The following AMMECR1 variants were observed in gnomAD, a reference collection of about 807,000 sequenced individuals.
AMMECR1 encodes AMMECR nuclear protein 1.
In AMMECR1, 3 loss-of-function variants were observed where a neutral mutation model predicts 22.5. The observed-to-expected ratio is 0.13, with a 90% confidence interval of 0.06 to 0.35. The LOEUF (loss-of-function observed/expected upper bound fraction) is 0.35, where lower values mean the gene tolerates loss of function less well. Ranked by LOEUF, AMMECR1 falls within the 10% of genes least tolerant of loss-of-function variation. The pLI is 1.00. For missense variants in AMMECR1, 235 were observed against 278.7 expected (o/e 0.84, Z 1.12); for synonymous variants, 130 against 116.7 (o/e 1.11, Z -0.74).
intron 3 of AMMECR1, among the ~76,000 whole-genome samples, chrX:110,211,381 CCCT>C (rs747897934): frequency 7.0e-4 from 78 of 112,001 alleles, no homozygotes; most frequent in African/African-American, 2.3e-3. Flanking sequence ...ATAGAATCAC[CCCT>C]CAAGTCAAGC....
chrX:110,272,551 T>C (rs1371171685), intron 1 of AMMECR1, among the ~76,000 whole-genome samples: 2 of 112,228 alleles, frequency 1.8e-5, no homozygotes, highest in Non-Finnish European at 3.8e-5. Context: ...TACATGTGCT[T>C]GTTGTTACAT....
rs746147480 is a variant in AMMECR1 at position 110,222,156 on chromosome X, T to C, written c.585-5524A>G. 2.7e-3 allele frequency among the ~76,000 whole-genome samples: 251 copies of C among 93,145 alleles called. 2 individuals carry two copies. Among genetic ancestry groups the C allele is most frequent in the African/African-American group, 9.4e-3 (239 of 25,426 alleles). 80.9% of individuals were successfully genotyped at this position (93,145 alleles called of 115,157 possible). ...AAAGACACATGCACACGTATGTTTATTGCGGCATTATTCACAATAGCAAAG... is the reference window on the plus strand; with the variant it reads ...AAAGACACATGCACACGTATGTTTACTGCGGCATTATTCACAATAGCAAAG... On this transcript the variant is annotated intron_variant, in intron 2 of 5. Coordinates refer to ENST00000262844, the MANE Select transcript of AMMECR1 (RefSeq NM_015365.3).
At chrX:110,418,530 A>C (rs2068694363) in intron 2 of AMMECR1, among the ~76,000 whole-genome samples, 1 of 111,965 alleles carries the variant, frequency 8.9e-6, no homozygotes, top group Non-Finnish European at 1.9e-5. Context: ...TCAGATTTCA[A>C]GGAACATGAA....
At chrX:110,228,690 G>A (rs1005960194) in intron 2 of AMMECR1, among the ~76,000 whole-genome samples, 8 of 110,752 alleles carry the variant, frequency 7.2e-5, no homozygotes, top group Admixed American at 3.9e-4. Flanking sequence ...AGCAGATAAG[G>A]GTGGGGGAGC....
intron 1 of AMMECR1, among the ~76,000 whole-genome samples, chrX:110,430,181 G>A (rs1452461375): frequency 8.9e-6 from 1 of 112,730 alleles, no homozygotes; most frequent in Non-Finnish European, 1.9e-5. Context: ...ACTTGTAGAT[G>A]CTCAACATAT....
At chrX:110,363,705 T>G (rs1040961168) in intron 2 of AMMECR1, among the ~76,000 whole-genome samples, 2 of 111,642 alleles carry the variant, frequency 1.8e-5, no homozygotes, top group African/African-American at 6.5e-5. Flanking sequence ...GATGCATGGA[T>G]GCATCAGACT....
intron 2 of AMMECR1, among the ~76,000 whole-genome samples, chrX:110,218,400 A>G (rs2067484780): frequency 9.0e-6 from 1 of 110,693 alleles, no homozygotes; most frequent in South Asian, 3.7e-4. Flanking sequence ...TAAAATTACT[A>G]TTTTAGCCAT....
chrX:110,407,787 C>T (rs2068613302), intron 2 of AMMECR1, among the ~76,000 whole-genome samples: 1 of 112,484 alleles, frequency 8.9e-6, no homozygotes, highest in African/African-American at 3.2e-5. Context: ...AACAGAAGGT[C>T]TGACTCTCAT....
chrX:110,398,145 C>T (rs2068540860), intron 2 of AMMECR1, among the ~76,000 whole-genome samples: 1 of 112,100 alleles, frequency 8.9e-6, no homozygotes, highest in Admixed American at 9.4e-5. Context: ...CATTGGCTCC[C>T]AGGACTGTGT....
At chrX:110,398,713 C>G (rs1202944752) in intron 2 of AMMECR1, among the ~76,000 whole-genome samples, 2 of 112,099 alleles carry the variant, frequency 1.8e-5, no homozygotes, top group African/African-American at 6.5e-5. Context: ...TTGGAAGTCA[C>G]TCTCTGAACC....
chrX:110,296,244 G>A (rs943470354), intron 1 of AMMECR1, among the ~76,000 whole-genome samples: 1 of 111,761 alleles, frequency 8.9e-6, no homozygotes, highest in Non-Finnish European at 1.9e-5. Flanking sequence ...CTGCCCTTCC[G>A]ACCCAGTTTC....
intron 1 of AMMECR1, among the ~76,000 whole-genome samples, chrX:110,302,765 T>C (rs954117812): frequency 2.7e-5 from 3 of 110,449 alleles, no homozygotes; most frequent in African/African-American, 9.9e-5. Flanking sequence ...CCCCAGCTAC[T>C]TGGGAGGCTG....
chrX:110,199,389 T>A (rs775505500), intron 5 of AMMECR1, among the ~76,000 whole-genome samples: 1 of 111,424 alleles, frequency 9.0e-6, no homozygotes, highest in East Asian at 2.8e-4. Context: ...TTTGTTATGT[T>A]TCTGTATTCA....
chrX:110,430,651 G>A (rs908872831), intron 1 of AMMECR1, among the ~76,000 whole-genome samples: 8 of 112,252 alleles, frequency 7.1e-5, no homozygotes, highest in Non-Finnish European at 1.5e-4. Context: ...GGCATGAAAA[G>A]GAAGCTGGCA....
intron 2 of AMMECR1, among the ~76,000 whole-genome samples, chrX:110,328,465 C>CT (rs776105456): frequency 0.051 from 3,735 of 73,277 alleles, 116 homozygotes; most frequent in Non-Finnish European, 0.08. Context: ...ATGTTTGACT[C>CT]TTTTTTTTTT....
At position 110,246,350 on chromosome X, in the gene AMMECR1, T is replaced by C. The variant is rs781108705; in HGVS notation, c.584+18139A>G. On this transcript the variant is annotated intron_variant, in intron 2 of 5. Transcript: ENST00000262844. Reference sequence around the variant, plus strand: ...AAATGCAGATACATCTCACCATTCCTAAAAATAAAAGTAAATCACCTTTGC... The same window carrying C: ...AAATGCAGATACATCTCACCATTCCCAAAAATAAAAGTAAATCACCTTTGC... Among the ~76,000 whole-genome samples the C allele has an allele frequency of 3.6e-5, 4 of 112,471 alleles. No homozygotes were observed. The East Asian group carries it at 1.1e-3, about 31-fold the overall frequency.
chrX:110,329,003 A>G (rs2068109936), intron 2 of AMMECR1, among the ~76,000 whole-genome samples: 1 of 112,711 alleles, frequency 8.9e-6, no homozygotes, highest in Admixed American at 9.3e-5. Flanking sequence ...TTGCTCAGTC[A>G]AATGGTATTC....
Position 110,254,754 on chromosome X carries a change from A to T in AMMECR1, c.584+9735T>A, listed in dbSNP as rs1281165789. On this transcript the variant is annotated intron_variant, in intron 2 of 5. Transcript: ENST00000262844. The stretch of plus-strand genomic sequence containing the variant: ...GAAGTAAACTTCCCTTCCATTTAAA[A>T]TTTTTTAAAAGGGAATTAGAAAAAT... Among the ~76,000 whole-genome samples, 10 of 112,445 alleles carry T rather than the reference A, an allele frequency of 8.9e-5. No individual in the cohort carries two copies. The East Asian group carries it at 2.8e-3, about 31-fold the overall frequency.
intron 2 of AMMECR1, among the ~76,000 whole-genome samples, chrX:110,247,512 G>C: frequency 8.9e-6 from 1 of 111,871 alleles, no homozygotes. Flanking sequence ...ACAACATGGT[G>C]AAACCCCGTC....
Sources: gnomAD v4.1 joint callset for allele counts (sites outside exome capture counted in the v4.1 genomes callset) on GRCh38, gnomAD v4.1.1 for gene constraint, MANE v1.5 for transcripts, NCBI Gene and HGNC (gene_info 2026-07-23, HGNC 2026-07-21) for gene names.